Variants in ITFG1 observed in about 807,000 individuals in gnomAD.
The protein encoded by ITFG1 is integrin alpha FG-GAP repeat containing 1, also known as T-cell immunomodulatory protein.
In ITFG1, 34 loss-of-function variants were observed where a neutral mutation model predicts 81.8. The ratio of observed to expected loss-of-function variants is 0.42; its 90% confidence interval spans 0.32 to 0.55. The LOEUF (loss-of-function observed/expected upper bound fraction) is 0.55. ITFG1 is among the 20% of genes least tolerant of loss of function. The pLI, the probability that ITFG1 is intolerant of heterozygous loss-of-function variation, is 0.17. For synonymous variants in ITFG1, 285 were observed against 270.6 expected, an observed-to-expected ratio of 1.05 and a Z score of -0.52; for missense variants, 672 against 755.4, an observed-to-expected ratio of 0.89 and a Z score of 1.29.
At chr16:47,162,403 T>A (rs1448325605) in intron 15 of ITFG1, 137 bp downstream of exon 15, 2 of 754,606 alleles carry the variant, frequency 2.7e-6, no homozygotes, top group African/African-American at 1.8e-5. Context: ...TAAATTTTTC[T>A]TTATTCTTTA....
chr16:47,341,400 G>GAAAAAA (rs545419792), intron 8 of ITFG1, among the ~76,000 whole-genome samples: 2 of 64,350 alleles, frequency 3.1e-5, no homozygotes, highest in Non-Finnish European at 6.0e-5. Context: ...CTGCGCCACT[G>GAAAAAA]AAAAAAAAAA....
chr16:47,181,610 C>T (rs555772810), intron 14 of ITFG1, among the ~76,000 whole-genome samples: 43 of 150,600 alleles, frequency 2.9e-4, no homozygotes, highest in African/African-American at 9.0e-4. Flanking sequence ...AGGTGAGGGG[C>T]GCCTCTGCCC....
intron 14 of ITFG1, among the ~76,000 whole-genome samples, chr16:47,199,269 C>CCCAAACCAAACCAAACCAAACCAAA (rs138629856): frequency 4.0e-4 from 60 of 150,744 alleles, no homozygotes; most frequent in African/African-American, 1.3e-3. Context: ...TCCAAAAAAA[C>CCCAAACCAAACCAAACCAAACCAAA]CCAAACCAAA....
chr16:47,297,746 G>A (rs1358695401), intron 10 of ITFG1, among the ~76,000 whole-genome samples: 3 of 151,554 alleles, frequency 2.0e-5, no homozygotes, highest in Non-Finnish European at 2.9e-5. Flanking sequence ...TCTCTTATAG[G>A]CAACTAGACA....
At chr16:47,348,290 C>T (rs555387011) in intron 8 of ITFG1, among the ~76,000 whole-genome samples, 8 of 152,168 alleles carry the variant, frequency 5.3e-5, no homozygotes, top group South Asian at 4.2e-4. Flanking sequence ...TTGATCCCAA[C>T]GCAAAGAAGT....
chr16:47,436,129 T>G (rs2151612322), intron 5 of ITFG1, among the ~76,000 whole-genome samples: 2 of 152,258 alleles, frequency 1.3e-5, no homozygotes, highest in South Asian at 4.1e-4. Flanking sequence ...TATCATGATG[T>G]AAAATGATTT....
intron 6 of ITFG1, among the ~76,000 whole-genome samples, chr16:47,414,900 C>T (rs1462508435): frequency 6.6e-6 from 1 of 152,154 alleles, no homozygotes; most frequent in East Asian, 1.9e-4. Flanking sequence ...TGAAGCTTAG[C>T]CATTTTCATG....
chr16:47,410,296 T>C (rs8053095), intron 6 of ITFG1, among the ~76,000 whole-genome samples: 150,312 of 152,220 alleles, frequency 0.99, 74,238 homozygotes, highest in East Asian at 1. Context: ...AACCCTCTAA[T>C]AGAAAAATGG....
chr16:47,403,102 A>C (rs1968682572), intron 6 of ITFG1, among the ~76,000 whole-genome samples: 1 of 152,252 alleles, frequency 6.6e-6, no homozygotes, highest in South Asian at 2.1e-4. Flanking sequence ...TGTACTTGAC[A>C]AATTTTTTTA....
chr16:47,270,469 T>C (rs1966326565), intron 10 of ITFG1, among the ~76,000 whole-genome samples: 1 of 152,232 alleles, frequency 6.6e-6, no homozygotes, highest in Admixed American at 6.5e-5. Flanking sequence ...ATACCGATTT[T>C]GGAGAAAATG....
At chr16:47,442,707 G>T (rs1176830862) in intron 5 of ITFG1, among the ~76,000 whole-genome samples, 3 of 152,114 alleles carry the variant, frequency 2.0e-5, no homozygotes, top group Non-Finnish European at 2.9e-5. Flanking sequence ...TATGGAGAAA[G>T]CTGAAACTGG....
chr16:47,361,230 T>G (rs1968104913), intron 8 of ITFG1, among the ~76,000 whole-genome samples: 1 of 152,144 alleles, frequency 6.6e-6, no homozygotes, highest in African/African-American at 2.4e-5. Context: ...ATGAGATCTG[T>G]ATAATTTATA....
At chr16:47,258,768 G>A in intron 11 of ITFG1, 28 bp from the exon 12 acceptor site, 4 of 1,065,870 alleles carry the variant, frequency 3.8e-6, no homozygotes, top group Non-Finnish European at 5.4e-6. Flanking sequence ...AAAATGGTAA[G>A]AACAAACTAT....
chr16:47,362,815 T>C (rs759006442), intron 8 of ITFG1, among the ~76,000 whole-genome samples: 1 of 152,228 alleles, frequency 6.6e-6, no homozygotes. Context: ...CAGTTACTTG[T>C]TGCTTTACTC....
chr16:47,396,688 A>T (rs180897782), intron 6 of ITFG1, among the ~76,000 whole-genome samples: 267 of 152,268 alleles, frequency 1.8e-3, no homozygotes, highest in African/African-American at 6.1e-3. Flanking sequence ...TGGAGGCTGG[A>T]TGAGGGATGA....
intron 6 of ITFG1, among the ~76,000 whole-genome samples, chr16:47,425,255 C>A (rs1272051086): frequency 6.6e-6 from 1 of 152,192 alleles, no homozygotes; most frequent in Non-Finnish European, 1.5e-5. Context: ...TGGAGCCAGG[C>A]ACGGGAAGGT....
intron 8 of ITFG1, among the ~76,000 whole-genome samples, chr16:47,344,844 T>C (rs956071162): frequency 3.3e-5 from 5 of 152,232 alleles, no homozygotes; most frequent in Non-Finnish European, 7.3e-5. Context: ...GCCTGGCTTA[T>C]TTCACTTGAC....
At chr16:47,223,969 A>AAAACCAAACACCGCATAGTCTC (rs1429558429) in intron 13 of ITFG1, among the ~76,000 whole-genome samples, 32 of 151,448 alleles carry the variant, frequency 2.1e-4, no homozygotes, top group African/African-American at 7.5e-4. Context: ...ACAAGAACAA[A>AAAACCAAACACCGCATAGTCTC]AAACCAAACA....
chr16:47,331,003 C>G (rs914951925), intron 8 of ITFG1, among the ~76,000 whole-genome samples: 4 of 152,064 alleles, frequency 2.6e-5, no homozygotes, highest in Non-Finnish European at 5.9e-5. Flanking sequence ...AATTGTTCTA[C>G]CAAAAAGACA....
Sources: gnomAD v4.1 joint callset for allele counts (sites outside exome capture counted in the v4.1 genomes callset) on GRCh38, gnomAD v4.1.1 for gene constraint, MANE v1.5 for transcripts, NCBI Gene and HGNC (gene_info 2026-07-23, HGNC 2026-07-21) for gene names.